Variants in SHANK2 observed in about 807,000 individuals in gnomAD.
SHANK2 encodes the protein SH3 and multiple ankyrin repeat domains protein 2.
Under a neutral mutation model 133.7 loss-of-function variants are expected in SHANK2, and 43 were observed. That is an observed-to-expected ratio of 0.32 (90% CI 0.25 to 0.41). The LOEUF (loss-of-function observed/expected upper bound fraction) is 0.41. Among genes scored for constraint, SHANK2 ranks in the 10% least tolerant of loss-of-function variants. SHANK2 has a pLI of 1.00. For synonymous variants in SHANK2, 1,017 were observed against 952.8 expected (o/e 1.07, Z -1.24); for missense variants, 1,994 against 2,235.8 (o/e 0.89, Z 2.18).
At chr11:71,106,607 C>T (rs576448837) in intron 6 of SHANK2, among the ~76,000 whole-genome samples, 19 of 152,354 alleles carry the variant, frequency 1.2e-4, no homozygotes, top group African/African-American at 3.1e-4. Flanking sequence ...TGCTTCACAA[C>T]GGCTCACAAC....
At chr11:70,645,321 G>T (rs471116) in intron 17 of SHANK2, among the ~76,000 whole-genome samples, 16,738 of 152,074 alleles carry the variant, frequency 0.11, 1,121 homozygotes, top group East Asian at 0.27. Flanking sequence ...GTTGCTGGTC[G>T]GAGGCAGGGG....
intron 14 of SHANK2, among the ~76,000 whole-genome samples, chr11:70,795,617 G>C (rs1555048992): frequency 6.6e-6 from 1 of 152,110 alleles, no homozygotes; most frequent in African/African-American, 2.4e-5. Context: ...TGTTGGCCAG[G>C]CTGGTCTCGA....
intron 2 of SHANK2, among the ~76,000 whole-genome samples, chr11:71,211,491 T>C (rs1344480101): frequency 1.3e-5 from 2 of 151,910 alleles, no homozygotes; most frequent in Non-Finnish European, 2.9e-5. Context: ...TGAGCCACGG[T>C]TGTGCCACTG....
chr11:70,702,218 C>T (rs1555023878), intron 14 of SHANK2, among the ~76,000 whole-genome samples: 1 of 151,646 alleles, frequency 6.6e-6, no homozygotes, highest in African/African-American at 2.4e-5. Flanking sequence ...CTATCATCAT[C>T]ATCATTACCA....
chr11:70,588,089 G>A (rs1247014264), intron 17 of SHANK2, among the ~76,000 whole-genome samples: 1 of 152,152 alleles, frequency 6.6e-6, no homozygotes, highest in African/African-American at 2.4e-5. Context: ...ACTGATAAAT[G>A]TTGTGTGTTC....
intron 1 of SHANK2, among the ~76,000 whole-genome samples, chr11:71,229,496 G>A (rs556821872): frequency 1.1e-4 from 16 of 152,212 alleles, no homozygotes; most frequent in African/African-American, 2.2e-4. Context: ...TTGGCTGGGC[G>A]CAGTGGGTCA....
In SHANK2 at chr11:70,624,294, A is replaced by G. The variant is rs1019099856; in HGVS notation, c.2061+35534T>C. ...TGCATCCTACCCCTCTCCCCCATGG[A>G]GGAGGTGGGAATGGAGCAACGCCCC... On this transcript the variant is annotated intron_variant, in intron 17 of 25. Coordinates refer to ENST00000601538, the MANE Select transcript of SHANK2 (RefSeq NM_012309.5). Among the ~76,000 whole-genome samples the G allele has an allele frequency of 4.6e-5, 7 of 152,040 alleles. No individual in the cohort carries two copies. The East Asian group carries it at 1.4e-3, about 29-fold the overall frequency.
At position 70,500,528 on chromosome 11, in the gene SHANK2, G is replaced by A. The variant is rs782255939; in HGVS notation, c.2308+42C>T. 1.3e-5 allele frequency: 20 copies of A among 1,590,914 alleles called. No individual in the cohort carries two copies. The East Asian group carries it at 4.1e-4, about 33-fold the overall frequency. On this transcript the variant is annotated intron_variant, in intron 21 of 25. Transcript: ENST00000601538. This position sits in a 1 kb window ranked among gnomAD's most constrained non-coding sequence, Gnocchi z 4.5. ...AAGGATGTTTCTGTTCCACAGGGGG[G>A]TGATGGGCAGGGGGCTGAGACAGAC...
intron 14 of SHANK2, among the ~76,000 whole-genome samples, chr11:70,701,478 T>C (rs943421652): frequency 7.2e-5 from 11 of 152,188 alleles, no homozygotes; most frequent in African/African-American, 2.4e-4. Context: ...CTCAGCTCAC[T>C]GTAAGCTCTG....
At chr11:70,904,332 G>A (rs1448548970) in intron 10 of SHANK2, among the ~76,000 whole-genome samples, 5 of 152,082 alleles carry the variant, frequency 3.3e-5, no homozygotes, top group African/African-American at 7.2e-5. Flanking sequence ...CTCAGGTCCC[G>A]CAGGTGGCGT....
chr11:71,215,670 A>G (rs1385205044), intron 2 of SHANK2, among the ~76,000 whole-genome samples: 1 of 152,152 alleles, frequency 6.6e-6, no homozygotes, highest in Non-Finnish European at 1.5e-5. Flanking sequence ...GGGCCCTGCT[A>G]ATGTCCTCGG....
intron 14 of SHANK2, among the ~76,000 whole-genome samples, chr11:70,716,072 C>G (rs1945910998): frequency 2.6e-5 from 4 of 152,184 alleles, no homozygotes; most frequent in Admixed American, 2.6e-4. Flanking sequence ...CTCTGCCCCC[C>G]ATGCCTGCCC....
chr11:70,792,310 A>G (rs1261566717), intron 14 of SHANK2, among the ~76,000 whole-genome samples: 1 of 150,500 alleles, frequency 6.6e-6, no homozygotes, highest in East Asian at 2.0e-4. Context: ...CAACCAACCA[A>G]CCAACCAACC....
intron 10 of SHANK2, among the ~76,000 whole-genome samples, chr11:70,916,383 C>T (rs1950269422): frequency 6.6e-6 from 1 of 152,038 alleles, no homozygotes; most frequent in South Asian, 2.1e-4. Context: ...CCCGGCTGGC[C>T]ATCACATGGC....
intron 11 of SHANK2, among the ~76,000 whole-genome samples, chr11:70,889,650 G>C (rs1487685520): frequency 1.3e-5 from 2 of 152,192 alleles, no homozygotes; most frequent in Admixed American, 6.5e-5. Context: ...TGGTGGCGCT[G>C]GGCATCTGCA....
At chr11:70,849,861 C>A (rs1555064946) in intron 11 of SHANK2, among the ~76,000 whole-genome samples, 1 of 152,096 alleles carries the variant, frequency 6.6e-6, no homozygotes, top group Non-Finnish European at 1.5e-5. Context: ...ATAAAATTTA[C>A]CATGTTCATC....
At chr11:71,106,396 G>GT (rs1951802076) in intron 6 of SHANK2, among the ~76,000 whole-genome samples, 1 of 152,200 alleles carries the variant, frequency 6.6e-6, no homozygotes, top group Non-Finnish European at 1.5e-5. Flanking sequence ...GAGCCCAGGA[G>GT]TTTAAGACCA....
intron 2 of SHANK2, among the ~76,000 whole-genome samples, chr11:71,155,828 T>C (rs577200079): frequency 9.2e-5 from 14 of 151,968 alleles, no homozygotes; most frequent in African/African-American, 3.1e-4. Context: ...TTAGACACAC[T>C]GTGAGCTGAA....
chr11:71,212,612 C>T (rs1158527405), intron 2 of SHANK2, among the ~76,000 whole-genome samples: 1 of 152,134 alleles, frequency 6.6e-6, no homozygotes, highest in Non-Finnish European at 1.5e-5. Context: ...ATGATGAGAC[C>T]ATCTTTGGCC....
Sources: allele counts gnomAD v4.1 joint callset (sites outside exome capture counted in the v4.1 genomes callset), GRCh38; gene constraint gnomAD v4.1.1; non-coding constraint Gnocchi (gnomAD v3.1); transcripts MANE v1.5; gene names NCBI Gene and HGNC (gene_info 2026-07-23, HGNC 2026-07-21).